Variants in FBN1 observed in about 807,000 individuals in gnomAD.
FBN1 encodes fibrillin-1.
FBN1 carries 29 observed loss-of-function variants against 365.1 expected under a neutral mutation model. The observed-to-expected ratio is 0.08, with a 90% confidence interval of 0.06 to 0.11. The LOEUF (loss-of-function observed/expected upper bound fraction) is 0.11, where lower values mean the gene tolerates loss of function less well. Ranked by LOEUF, FBN1 falls within the 10% of genes least tolerant of loss-of-function variation. FBN1 has a pLI of 1.00. For synonymous variants in FBN1, 1,210 were observed against 1,270.5 expected, an observed-to-expected ratio of 0.95 and a Z score of 1.01; for missense variants, 2,476 against 3,703.2, an observed-to-expected ratio of 0.67 and a Z score of 8.60.
intron 6 of FBN1, among the ~76,000 whole-genome samples, chr15:48,594,980 C>T (rs527619009): frequency 6.6e-6 from 1 of 152,268 alleles, no homozygotes; most frequent in Non-Finnish European, 1.5e-5. Context: ...AATAAAAACA[C>T]ATCTGTGCAA....
intron 2 of FBN1, among the ~76,000 whole-genome samples, chr15:48,639,290 T>C (rs563371056): frequency 6.6e-6 from 1 of 152,282 alleles, no homozygotes; most frequent in Non-Finnish European, 1.5e-5. Context: ...GCTTGTAGAG[T>C]GGCTATGAGG....
intron 24 of FBN1, 45 bp from the exon 25 acceptor site, chr15:48,490,123 C>T: frequency 5.2e-6 from 8 of 1,532,540 alleles, no homozygotes; most frequent in Non-Finnish European, 7.2e-6. Flanking sequence ...CACACGGCTT[C>T]CACTGCCCCA....
At chr15:48,501,963 A>G (rs758245464) in intron 17 of FBN1, among the ~76,000 whole-genome samples, 1 of 152,212 alleles carries the variant, frequency 6.6e-6, no homozygotes, top group Non-Finnish European at 1.5e-5. Flanking sequence ...GATAATTTCT[A>G]TATTATTCAC....
chr15:48,579,662 T>A (rs2044376293), intron 6 of FBN1, among the ~76,000 whole-genome samples: 1 of 152,210 alleles, frequency 6.6e-6, no homozygotes, highest in Admixed American at 6.5e-5. Context: ...TCAGTCCACA[T>A]CACTCTGGAA....
intron 18 of FBN1, 130 bp from the exon 19 acceptor site, chr15:48,497,521 G>A: frequency 1.2e-6 from 1 of 808,488 alleles, no homozygotes; most frequent in Non-Finnish European, 2.0e-6. Context: ...GATTTCACTG[G>A]AAAGAGAACA....
At chr15:48,553,024 A>G (rs969246465) in intron 6 of FBN1, among the ~76,000 whole-genome samples, 5 of 152,214 alleles carry the variant, frequency 3.3e-5, no homozygotes, top group African/African-American at 1.2e-4. Flanking sequence ...TCTCTGATGT[A>G]CACATATTTT....
At chr15:48,491,039 C>T (rs1844328207) in intron 24 of FBN1, among the ~76,000 whole-genome samples, 1 of 152,152 alleles carries the variant, frequency 6.6e-6, no homozygotes, top group East Asian at 1.9e-4. Flanking sequence ...GCTTTATATT[C>T]AGACTGCCCA....
chr15:48,436,123 A>C (rs74988309), intron 53 of FBN1, among the ~76,000 whole-genome samples: 9,126 of 152,246 alleles, frequency 0.06, 322 homozygotes, highest in East Asian at 0.16. Context: ...TTGTTCTACT[A>C]TAATATTCAA....
chr15:48,576,517 T>C (rs1006702566), intron 6 of FBN1, among the ~76,000 whole-genome samples: 1 of 152,204 alleles, frequency 6.6e-6, no homozygotes, highest in African/African-American at 2.4e-5. Context: ...CTTGTTTTAT[T>C]GGTCTTTGTG....
In FBN1 at chr15:48,505,078, C is replaced by T. The variant is rs1335136151; in HGVS notation, c.1907G>A (p.Arg636Lys). ...AGCCAGTCCAGGGAAGCATTCACATCTGTAGGAGCCATCAGTGTTGACGCA... is the reference window on the plus strand; with the variant it reads ...AGCCAGTCCAGGGAAGCATTCACATTTGTAGGAGCCATCAGTGTTGACGCA... ...GRCVNTDGSY[R>K]CECFPGLAVG... The change falls in exon 16 of 66, where the codon AGA (arginine) becomes AAA (lysine). Residue 636 changes from arginine (R) to lysine (K), a missense_variant. By Grantham distance (26) the Arg-to-Lys change is conservative (BLOSUM62 2). Around this residue, in one of 5 missense-constraint regions of FBN1, gnomAD observed 1,780 missense variants for 2,840.8 expected, o/e 0.63. Transcript: ENST00000316623. The T allele has an allele frequency of 1.9e-6, 3 of 1,614,084 alleles. No homozygotes were observed. In the African/African-American group the frequency reaches 4.0e-5, roughly 22 times the overall value.
chr15:48,543,355 C>T (rs888504493), intron 6 of FBN1, among the ~76,000 whole-genome samples: 1 of 152,170 alleles, frequency 6.6e-6, no homozygotes, highest in Non-Finnish European at 1.5e-5. Context: ...GGCCCAAATA[C>T]AAGGCCTATT....
At chr15:48,418,616 C>A (rs377629957) in intron 63 of FBN1, among the ~76,000 whole-genome samples, 9 of 152,184 alleles carry the variant, frequency 5.9e-5, no homozygotes, top group African/African-American at 1.9e-4. Flanking sequence ...CACTCTGGAG[C>A]AAATGACTCC....
chr15:48,579,872 A>G (rs183801991), intron 6 of FBN1, among the ~76,000 whole-genome samples: 1 of 152,300 alleles, frequency 6.6e-6, no homozygotes, highest in East Asian at 1.9e-4. Flanking sequence ...CAATACGACT[A>G]AAAGAATTGC....
intron 6 of FBN1, among the ~76,000 whole-genome samples, chr15:48,542,206 G>A (rs2044063005): frequency 6.6e-6 from 1 of 152,132 alleles, no homozygotes. Flanking sequence ...ACTTCACCCC[G>A]AAGCAAATGC....
chr15:48,611,493 C>T (rs2044655601), intron 3 of FBN1, among the ~76,000 whole-genome samples: 2 of 152,170 alleles, frequency 1.3e-5, no homozygotes, highest in Non-Finnish European at 2.9e-5. Flanking sequence ...ATCTCCTGAC[C>T]TTGTGATCCG....
At chr15:48,641,083 G>C (rs890871771) in intron 2 of FBN1, 2 of 152,044 alleles carry the variant, frequency 1.3e-5, no homozygotes, top group Non-Finnish European at 2.9e-5. Flanking sequence ...TATTTCACGT[G>C]GTTTTGAAAC....
intron 44 of FBN1, among the ~76,000 whole-genome samples, chr15:48,454,897 T>C (rs2043227789): frequency 6.6e-6 from 1 of 152,142 alleles, no homozygotes; most frequent in Non-Finnish European, 1.5e-5. Flanking sequence ...ACTCACCAGG[T>C]CTGCCCTGCT....
chr15:48,421,330 A>G (rs1288790642), intron 62 of FBN1, among the ~76,000 whole-genome samples: 1 of 152,234 alleles, frequency 6.6e-6, no homozygotes, highest in African/African-American at 2.4e-5. Context: ...AAAACTTAGC[A>G]GAAAAAGTCT....
intron 12 of FBN1, 128 bp from the exon 13 acceptor site, chr15:48,513,796 C>CT (rs2043780304): frequency 9.1e-7 from 1 of 1,103,974 alleles, no homozygotes; most frequent in Non-Finnish European, 1.3e-6. Context: ...ATAAAAGGAT[C>CT]TTTTTTCTTT....
Sources: gnomAD v4.1 joint callset for allele counts (sites outside exome capture counted in the v4.1 genomes callset) on GRCh38, gnomAD v4.1.1 for gene constraint, gnomAD v4.1.1 regional missense constraint, MANE v1.5 for transcripts, NCBI Gene and HGNC (gene_info 2026-07-23, HGNC 2026-07-21) for gene names.